The following PRUNE2 variants were observed in gnomAD, a reference collection of about 807,000 sequenced individuals.
The protein encoded by PRUNE2 is prune homolog 2 with BCH domain, also known as protein prune homolog 2.
PRUNE2 carries 164 observed loss-of-function variants against 252.0 expected under a neutral mutation model. That is an observed-to-expected ratio of 0.65 (90% CI 0.57 to 0.74). PRUNE2 has a LOEUF of 0.74. Among genes scored for constraint, PRUNE2 ranks in the 30% least tolerant of loss-of-function variants. The pLI is 0.00. For missense variants in PRUNE2, 3,495 were observed against 3,711.0 expected (o/e 0.94, Z 1.51); for synonymous variants, 1,292 against 1,350.2 (o/e 0.96, Z 0.94).
At chr9:76,632,286 A>G (rs1452492516) in intron 15 of PRUNE2, among the ~76,000 whole-genome samples, 4 of 152,250 alleles carry the variant, frequency 2.6e-5, no homozygotes, top group African/African-American at 4.8e-5. Flanking sequence ...GCTACCCTTC[A>G]GTAGCGAGAA....
chr9:76,868,978 G>GC (rs1274792335), intron 1 of PRUNE2: 2 of 152,082 alleles, frequency 1.3e-5, no homozygotes, highest in African/African-American at 4.8e-5. Flanking sequence ...GGCACAGCTT[G>GC]CCCCAGATAC....
chr9:76,690,383 A>G lies in PRUNE2; in HGVS notation c.8276+12954T>C, dbSNP rs549611818. On this transcript the variant is annotated intron_variant, in intron 9 of 18. Transcript: ENST00000376718. ...GCAATTCCAGGCTAGTTAAGTAGGA[A>G]AAAAACCCAGCTTTTATTTGCTGTA... Among the ~76,000 whole-genome samples, 114 of 152,332 alleles carry G rather than the reference A, an allele frequency of 7.5e-4. 1 individual carries two copies. The South Asian group carries it at 0.014, about 19-fold the overall frequency.
At chr9:76,794,645 G>T (rs1215025913) in intron 6 of PRUNE2, among the ~76,000 whole-genome samples, 1 of 149,284 alleles carries the variant, frequency 6.7e-6, no homozygotes, top group African/African-American at 2.5e-5. Context: ...AGAAAAGAAA[G>T]AAAGAAAAAG....
chr9:76,652,485 T>C lies in PRUNE2; in HGVS notation c.8555A>G (p.His2852Arg), dbSNP rs771270984. ...DEADSFEYTG[H>R]DPTANKDSGQ... ...GCCTTGCCAACTTAGTGACTTACCATGGCCAGTGTACTCAAAAGAATCTGC... is the reference window on the plus strand; with the variant it reads ...GCCTTGCCAACTTAGTGACTTACCACGGCCAGTGTACTCAAAAGAATCTGC... Residue 2852 changes from histidine (H) to arginine (R), a missense_variant and splice_region_variant, in exon 11 of 19, where the codon CAT (histidine) becomes CGT (arginine). Coordinates refer to ENST00000376718, the MANE Select transcript of PRUNE2 (RefSeq NM_015225.3). 2.5e-6 allele frequency: 4 copies of C among 1,609,918 alleles called. No individual in the cohort carries two copies. Among genetic ancestry groups the C allele is most frequent in the Non-Finnish European group, 2.5e-6 (3 of 1,176,574 alleles).
intron 6 of PRUNE2, among the ~76,000 whole-genome samples, chr9:76,776,320 A>G (rs184373439): frequency 5.5e-4 from 83 of 151,536 alleles, no homozygotes; most frequent in Non-Finnish European, 8.7e-4. Flanking sequence ...CTCCGATGTT[A>G]TTATTTCACT....
chr9:76,644,338 C>T (rs1393732794), intron 12 of PRUNE2, among the ~76,000 whole-genome samples: 1 of 152,026 alleles, frequency 6.6e-6, no homozygotes, highest in Non-Finnish European at 1.5e-5. Context: ...TTCAAAAGGC[C>T]ATTTTGTAAT....
Position 76,879,680 on chromosome 9 carries a change from G to C in PRUNE2, c.37-25472C>G, listed in dbSNP as rs140343467. On this transcript the variant is annotated intron_variant, in intron 1 of 18. Transcript: ENST00000376718. ...GTGACCAAAGAAGCCTCCTTGGAAT[G>C]ATAGTTAAGTAAGGCCCCAAAGGAA... Among the ~76,000 whole-genome samples, 191 of 151,800 alleles carry C rather than the reference G, an allele frequency of 1.3e-3. 1 individual carries two copies. Among genetic ancestry groups the C allele is most frequent in the African/African-American group, 4.0e-3 (166 of 41,386 alleles).
chr9:76,801,815 C>A (rs961204072), intron 6 of PRUNE2, among the ~76,000 whole-genome samples: 1 of 152,178 alleles, frequency 6.6e-6, no homozygotes, highest in Non-Finnish European at 1.5e-5. Context: ...GTGCTGCGTA[C>A]AGACAATGTT....
chr9:76,790,928 C>T lies in PRUNE2; in HGVS notation c.756+32704G>A, dbSNP rs1400959686. On this transcript the variant is annotated intron_variant, in intron 6 of 18. Transcript: ENST00000376718. ...AGTTAATGACCAAACTTTTTGAAGT[C>T]AAGAAAAGCACATTTTACTACTATT... is the stretch of plus-strand genomic sequence containing the variant. Among the ~76,000 whole-genome samples the T allele has an allele frequency of 2.6e-5, 4 of 152,294 alleles. No homozygotes were observed. In the East Asian group the frequency reaches 5.8e-4, roughly 22 times the overall value.
At chr9:76,875,899 C>T (rs2061451247) in intron 1 of PRUNE2, among the ~76,000 whole-genome samples, 1 of 152,134 alleles carries the variant, frequency 6.6e-6, no homozygotes, top group Admixed American at 6.5e-5. Context: ...CAGAAGGCAC[C>T]AAGAATAACT....
intron 14 of PRUNE2, among the ~76,000 whole-genome samples, chr9:76,637,049 G>A (rs576183873): frequency 2.6e-5 from 4 of 151,032 alleles, no homozygotes; most frequent in Admixed American, 6.6e-5. Context: ...CTATTACCTG[G>A]TAGGAAGATA....
At chr9:76,837,713 A>T (rs2059108823) in intron 4 of PRUNE2, among the ~76,000 whole-genome samples, 1 of 151,840 alleles carries the variant, frequency 6.6e-6, no homozygotes, top group African/African-American at 2.4e-5. Context: ...ATAATTAATC[A>T]TATTTTAATT....
At chr9:76,782,687 T>TA in intron 6 of PRUNE2, 1 of 152,220 alleles carries the variant, frequency 6.6e-6, no homozygotes, top group African/African-American at 2.4e-5. Context: ...CACATATACT[T>TA]AGTGTTTCAA....
Position 76,708,373 on chromosome 9 carries a change from C to G in PRUNE2, c.3901G>C (p.Ala1301Pro). ...ETLQSDAASL[A>P]TRLENPGYFP... is the part of the protein sequence containing the mutation. ...TACCCTGGATTCTCAAGCCTAGTCG[C>G]CAAGGATGCTGCATCACTTTGCAGG... is the stretch of plus-strand genomic sequence containing the variant. The change falls in exon 8 of 19, where the codon GCG becomes CCG. Residue 1301 changes from alanine to proline, a missense_variant. Coordinates refer to ENST00000376718, the MANE Select transcript of PRUNE2 (RefSeq NM_015225.3). 6.2e-7 allele frequency: 1 copy of G among 1,613,836 alleles called. No homozygotes were observed. The highest frequency in any genetic ancestry group is 8.5e-7 in the Non-Finnish European group (1 of 1,179,878).
At chr9:76,905,489 C>T (rs1357382078) in intron 1 of PRUNE2, among the ~76,000 whole-genome samples, 2 of 152,234 alleles carry the variant, frequency 1.3e-5, no homozygotes, top group Admixed American at 1.3e-4. Context: ...CTACCCAGCA[C>T]CCTGACTTCC....
chr9:76,750,062 G>C (rs930715993), intron 6 of PRUNE2, among the ~76,000 whole-genome samples: 4 of 151,998 alleles, frequency 2.6e-5, no homozygotes, highest in Admixed American at 6.6e-5. Context: ...CAGGAGGGTG[G>C]TGCATTCCAA....
intron 9 of PRUNE2, among the ~76,000 whole-genome samples, chr9:76,683,848 G>A (rs1194726190): frequency 6.6e-6 from 1 of 151,348 alleles, no homozygotes; most frequent in Non-Finnish European, 1.5e-5. Flanking sequence ...AATTATATTT[G>A]TGTATGTATA....
rs1228016199 is a variant in PRUNE2 at position 76,855,325 on chromosome 9, T to G, written c.37-1117A>C. ...ACATATGTACATACTTTCCCCACTTTTCATCACTTGTTTTAACTTCTCATT... is the reference window on the plus strand; with the variant it reads ...ACATATGTACATACTTTCCCCACTTGTCATCACTTGTTTTAACTTCTCATT... On this transcript the variant is annotated intron_variant, in intron 1 of 18. Transcript: ENST00000376718. Among the ~76,000 whole-genome samples, 3 of 152,030 alleles carry G rather than the reference T, an allele frequency of 2.0e-5. No individual in the cohort carries two copies. In the East Asian group the frequency reaches 5.8e-4, roughly 29 times the overall value.
At chr9:76,796,328 G>A (rs1224136688) in intron 6 of PRUNE2, among the ~76,000 whole-genome samples, 2 of 152,068 alleles carry the variant, frequency 1.3e-5, no homozygotes, top group Non-Finnish European at 2.9e-5. Flanking sequence ...GCCTCGCTAC[G>A]ATCATTACCC....
Sources: allele counts gnomAD v4.1 joint callset (sites outside exome capture counted in the v4.1 genomes callset), GRCh38; gene constraint gnomAD v4.1.1; transcripts MANE v1.5; gene names NCBI Gene and HGNC (gene_info 2026-07-23, HGNC 2026-07-21).